The following BANP variants were observed in gnomAD, a reference collection of about 807,000 sequenced individuals.
BANP encodes the protein protein BANP.
Under a neutral mutation model 68.1 loss-of-function variants are expected in BANP, and 11 were observed. The observed-to-expected ratio is 0.16, with a 90% CI of 0.10 to 0.27. The LOEUF (loss-of-function observed/expected upper bound fraction) is 0.27, where lower values mean the gene tolerates loss of function less well. Among genes scored for constraint, BANP ranks in the 10% least tolerant of loss-of-function variants. BANP has a pLI of 1.00. For missense variants in BANP, 504 were observed against 722.7 expected (o/e 0.70, Z 3.47); for synonymous variants, 329 against 303.2 (o/e 1.09, Z -0.88).
At chr16:87,979,409 G>T (rs1199926834) in intron 2 of BANP, among the ~76,000 whole-genome samples, 1 of 152,196 alleles carries the variant, frequency 6.6e-6, no homozygotes, top group African/African-American at 2.4e-5. Flanking sequence ...CCTTGTTGGT[G>T]TCACAGTATA....
intron 11 of BANP, among the ~76,000 whole-genome samples, chr16:88,047,648 T>C (rs559968787): frequency 6.6e-6 from 1 of 152,306 alleles, no homozygotes; most frequent in Non-Finnish European, 1.5e-5. Context: ...TGGAGTCTGA[T>C]GTTCTTAGTG....
intron 1 of BANP, among the ~76,000 whole-genome samples, chr16:87,972,798 GTTCC>G (rs1434837315): frequency 9.9e-5 from 15 of 152,130 alleles, no homozygotes; most frequent in Non-Finnish European, 1.6e-4. Context: ...TTTGTGTTCA[GTTCC>G]AAGCCGTTTC....
chr16:87,962,678 G>A (rs530217124), intron 1 of BANP, among the ~76,000 whole-genome samples: 10 of 152,262 alleles, frequency 6.6e-5, no homozygotes, highest in African/African-American at 2.4e-4. Context: ...CACATTTGGG[G>A]GGCCATCTTA....
rs747338522 is a variant in BANP at position 87,957,261 on chromosome 16, G to C, written c.-69+5746G>C. 2.0e-5 allele frequency among the ~76,000 whole-genome samples: 3 copies of C among 152,240 alleles called. No homozygotes were observed. Among genetic ancestry groups the C allele is most frequent in the Admixed American group, 6.5e-5 (1 of 15,286 alleles). The stretch of plus-strand genomic sequence containing the variant: ...TCCATTCGGAACCCACAGGTCGCCA[G>C]CTTACAGCGTGGGAGCTGTGGAAGG... On this transcript the variant is annotated intron_variant, in intron 1 of 13. Transcript: ENST00000682872. This position sits in a 1 kb window ranked among gnomAD's most constrained non-coding sequence, Gnocchi z 4.3.
intron 12 of BANP, 101 bp downstream of exon 12, chr16:88,065,433 A>AG: frequency 1.6e-6 from 1 of 642,988 alleles, no homozygotes; most frequent in Admixed American, 2.4e-5. Flanking sequence ...CTGGCCATCC[A>AG]GGGTCATCTC....
intron 11 of BANP, among the ~76,000 whole-genome samples, chr16:88,061,783 A>T (rs530996269): frequency 6.6e-6 from 1 of 152,048 alleles, no homozygotes; most frequent in South Asian, 2.1e-4. Flanking sequence ...CTCCTGCCTC[A>T]GCCTCCTGAG....
chr16:87,987,566 A>C (rs982797407), intron 4 of BANP, among the ~76,000 whole-genome samples: 5 of 151,820 alleles, frequency 3.3e-5, no homozygotes, highest in Non-Finnish European at 4.4e-5. Flanking sequence ...CTGCACAAAA[A>C]AATAAAAAAA....
intron 1 of BANP, chr16:87,952,732 A>G (rs998345297): frequency 1.3e-5 from 2 of 152,226 alleles, no homozygotes; most frequent in African/African-American, 4.8e-5. Flanking sequence ...GATTAAAATA[A>G]GAATATATTC....
chr16:87,969,760 C>T (rs4843755), intron 1 of BANP, among the ~76,000 whole-genome samples: 3 of 151,884 alleles, frequency 2.0e-5, no homozygotes, highest in African/African-American at 7.3e-5. Context: ...TCTCGAACAC[C>T]TGACCTCTTG....
chr16:88,013,270 T>C (rs2073668108), intron 6 of BANP, among the ~76,000 whole-genome samples: 1 of 152,242 alleles, frequency 6.6e-6, no homozygotes, highest in African/African-American at 2.4e-5. Context: ...GCTTAGCTGC[T>C]GGGGTTACTG....
Position 88,071,798 on chromosome 16 carries a change from T to C in BANP, c.1378-271T>C, listed in dbSNP as rs1277383110. The C allele has an allele frequency of 1.5e-6, 1 of 673,646 alleles. No individual in the cohort carries two copies. The highest frequency in any genetic ancestry group is 2.7e-6 in the Non-Finnish European group (1 of 366,290). 41.7% of individuals were successfully genotyped at this position (673,646 alleles called of 1,614,324 possible). Reference sequence around the variant, plus strand: ...GGAAGCTCTGCCTTGCTTTTTTTTTTTTCCCTTTTTTCTGCTCTGTAGGTG... The same window carrying C: ...GGAAGCTCTGCCTTGCTTTTTTTTTCTTCCCTTTTTTCTGCTCTGTAGGTG... On this transcript the variant is annotated intron_variant, in intron 12 of 13. Coordinates refer to ENST00000682872, the MANE Select transcript of BANP (RefSeq NM_001386991.1). This position sits in a 1 kb window ranked among gnomAD's most constrained non-coding sequence, Gnocchi z 6.5.
At chr16:87,986,575 G>C (rs973143491) in intron 4 of BANP, among the ~76,000 whole-genome samples, 7 of 147,378 alleles carry the variant, frequency 4.7e-5, no homozygotes, top group African/African-American at 1.7e-4. Flanking sequence ...TTTAAGATAA[G>C]AGGAAGAGGA....
At chr16:87,972,910 C>G (rs528924743) in intron 1 of BANP, among the ~76,000 whole-genome samples, 1 of 152,196 alleles carries the variant, frequency 6.6e-6, no homozygotes, top group South Asian at 2.1e-4. Context: ...CCCTGCAGGC[C>G]CCTGTGTGGT....
intron 11 of BANP, among the ~76,000 whole-genome samples, chr16:88,051,146 C>A (rs574402612): frequency 6.6e-6 from 1 of 152,210 alleles, no homozygotes; most frequent in Non-Finnish European, 1.5e-5. Flanking sequence ...CGTGTAGTGG[C>A]GGGCCTCGCA....
intron 4 of BANP, among the ~76,000 whole-genome samples, chr16:87,994,719 G>C (rs1442997629): frequency 6.6e-6 from 1 of 152,166 alleles, no homozygotes; most frequent in Admixed American, 6.5e-5. Flanking sequence ...AGGATCATCT[G>C]AGACCAGGAA....
intron 11 of BANP, among the ~76,000 whole-genome samples, chr16:88,041,718 G>A (rs1031507581): frequency 3.3e-5 from 5 of 152,152 alleles, no homozygotes; most frequent in African/African-American, 7.2e-5. Context: ...GTCGTGGTGC[G>A]CGCTTACATC....
chr16:88,027,688 C>A (rs752123073), intron 8 of BANP, 38 bp downstream of exon 8: 1 of 1,608,968 alleles, frequency 6.2e-7, no homozygotes, highest in Admixed American at 1.7e-5. Context: ...CCCTCCCCCG[C>A]TCGGGGCAGC....
intron 11 of BANP, among the ~76,000 whole-genome samples, chr16:88,038,410 A>G (rs1043911264): frequency 1.3e-5 from 2 of 152,092 alleles, no homozygotes; most frequent in African/African-American, 4.8e-5. Context: ...TGGGGGTTAC[A>G]TTTGCTGCTC....
chr16:87,988,756 GC>G (rs939951709), intron 4 of BANP, among the ~76,000 whole-genome samples: 1 of 152,156 alleles, frequency 6.6e-6, no homozygotes, highest in African/African-American at 2.4e-5. Context: ...TTGTGACGAG[GC>G]CCCCGGAGAG....
Sources: allele counts gnomAD v4.1 joint callset (sites outside exome capture counted in the v4.1 genomes callset), GRCh38; gene constraint gnomAD v4.1.1; non-coding constraint Gnocchi (gnomAD v3.1); transcripts MANE v1.5; gene names NCBI Gene and HGNC (gene_info 2026-07-23, HGNC 2026-07-21).